SGMS1: variants seen among roughly 807,000 people sequenced by gnomAD.
The protein encoded by SGMS1 is sphingomyelin synthase 1.
A neutral mutation model predicts 46.2 loss-of-function variants in SGMS1; 13 were observed. The observed-to-expected ratio is 0.28, with a 90% CI of 0.18 to 0.45. The LOEUF is 0.45. Among genes scored for constraint, SGMS1 ranks in the 20% least tolerant of loss-of-function variants. SGMS1 has a pLI of 1.00. For missense variants in SGMS1, 324 were observed against 519.9 expected, an observed-to-expected ratio of 0.62 and a Z score of 3.66; for synonymous variants, 203 against 187.8, an observed-to-expected ratio of 1.08 and a Z score of -0.66.
At chr10:50,439,334 T>G (rs1849513393) in intron 5 of SGMS1, among the ~76,000 whole-genome samples, 1 of 152,146 alleles carries the variant, frequency 6.6e-6, no homozygotes, top group Admixed American at 6.5e-5. Context: ...CAGGCCATCT[T>G]TCCAAGCAGA....
At chr10:50,560,220 TACATAATATATA>T (rs1217386674) in intron 2 of SGMS1, among the ~76,000 whole-genome samples, 1 of 144,444 alleles carries the variant, frequency 6.9e-6, no homozygotes, top group Non-Finnish European at 1.5e-5. Context: ...GCATATATAT[TACATAATATATA>T]ACATAATATT....
intron 6 of SGMS1, among the ~76,000 whole-genome samples, chr10:50,350,434 A>G (rs1024883616): frequency 1.1e-4 from 17 of 152,242 alleles, no homozygotes; most frequent in Non-Finnish European, 2.2e-4. Flanking sequence ...AGAAATTTTC[A>G]TAAGTAGTAA....
intron 5 of SGMS1, among the ~76,000 whole-genome samples, chr10:50,451,443 T>A (rs1401488894): frequency 6.6e-6 from 1 of 152,228 alleles, no homozygotes; most frequent in Non-Finnish European, 1.5e-5. Context: ...TCTACCAATT[T>A]AAATCAACAT....
chr10:50,562,070 C>T (rs1216659653), intron 2 of SGMS1, among the ~76,000 whole-genome samples: 1 of 152,120 alleles, frequency 6.6e-6, no homozygotes, highest in Non-Finnish European at 1.5e-5. Flanking sequence ...ATGTGTATTT[C>T]TTTTTCTCAA....
At chr10:50,411,390 G>GA (rs1214279456) in intron 6 of SGMS1, among the ~76,000 whole-genome samples, 4 of 152,052 alleles carry the variant, frequency 2.6e-5, no homozygotes, top group Non-Finnish European at 5.9e-5. Flanking sequence ...CAAAAGGGGG[G>GA]AAAAAAACAA....
chr10:50,594,168 T>C (rs1451428555), intron 1 of SGMS1, among the ~76,000 whole-genome samples: 1 of 152,244 alleles, frequency 6.6e-6, no homozygotes, highest in African/African-American at 2.4e-5. Flanking sequence ...GCAGCATCAC[T>C]ACTACAAATA....
At chr10:50,391,840 TA>T (rs146392084) in intron 6 of SGMS1, among the ~76,000 whole-genome samples, 4,406 of 123,406 alleles carry the variant, frequency 0.036, 192 homozygotes, top group African/African-American at 0.11. Context: ...ATGCAATCAT[TA>T]AAAAAAAAAA....
chr10:50,545,139 C>T (rs1160265787), intron 2 of SGMS1, among the ~76,000 whole-genome samples: 4 of 152,136 alleles, frequency 2.6e-5, no homozygotes, highest in African/African-American at 9.7e-5. Flanking sequence ...CAGTAACCTA[C>T]TTCAAAGGGG....
intron 2 of SGMS1, among the ~76,000 whole-genome samples, chr10:50,542,594 G>C (rs60828968): frequency 0.016 from 2,363 of 150,874 alleles, 67 homozygotes; most frequent in African/African-American, 0.055. Context: ...CTACCATAAA[G>C]AAAAGTGTAT....
At chr10:50,335,138 G>A (rs1847695568) in intron 7 of SGMS1, 1 of 152,278 alleles carries the variant, frequency 6.6e-6, no homozygotes, top group African/African-American at 2.4e-5. Context: ...AATAACCTAG[G>A]TAAAAGATGA....
intron 3 of SGMS1, among the ~76,000 whole-genome samples, chr10:50,488,033 A>ATT (rs1837537125): frequency 6.9e-6 from 1 of 144,708 alleles, no homozygotes; most frequent in African/African-American, 2.5e-5. Context: ...TTATTTATTG[A>ATT]GACTGAGTCT....
chr10:50,449,923 G>A (rs1203383), intron 5 of SGMS1, among the ~76,000 whole-genome samples: 130,046 of 151,874 alleles, frequency 0.86, 55,918 homozygotes, highest in East Asian at 1. Flanking sequence ...CTAGAAAATG[G>A]AAGTGTCACT....
At position 50,381,250 on chromosome 10, in the gene SGMS1, C is replaced by T. The variant is rs140666870; in HGVS notation, c.-231-36905G>A. 7.2e-3 allele frequency among the ~76,000 whole-genome samples: 1,078 copies of T among 148,892 alleles called. 4 individuals carry two copies. Among genetic ancestry groups the T allele is most frequent in the Non-Finnish European group, 9.8e-3 (660 of 67,468 alleles). ...GTCCCATGGTATATGAAAAAGTGAT[C>T]GTGAACAGTGTTCTAAAAGAAAAAA... On this transcript the variant is annotated intron_variant, in intron 6 of 10. Coordinates refer to ENST00000361781, the MANE Select transcript of SGMS1 (RefSeq NM_147156.4).
At chr10:50,412,253 A>C (rs1370987807) in intron 6 of SGMS1, among the ~76,000 whole-genome samples, 1 of 152,168 alleles carries the variant, frequency 6.6e-6, no homozygotes, top group Non-Finnish European at 1.5e-5. Context: ...GAAAATCAAG[A>C]CCACTTTTCA....
intron 2 of SGMS1, among the ~76,000 whole-genome samples, chr10:50,527,086 A>AAAAAAAAAG (rs1837910174): frequency 6.9e-6 from 1 of 144,628 alleles, no homozygotes; most frequent in African/African-American, 2.7e-5. Context: ...AAAAAAAAAA[A>AAAAAAAAAG]AAAGAAAGAA....
intron 6 of SGMS1, among the ~76,000 whole-genome samples, chr10:50,430,260 G>A (rs1014316550): frequency 1.3e-5 from 2 of 151,986 alleles, no homozygotes; most frequent in Admixed American, 6.6e-5. Flanking sequence ...AAAATGTCCA[G>A]TAATATGCAA....
chr10:50,374,751 T>C (rs1383323300), intron 6 of SGMS1, among the ~76,000 whole-genome samples: 1 of 152,120 alleles, frequency 6.6e-6, no homozygotes, highest in Non-Finnish European at 1.5e-5. Flanking sequence ...TCAACCACTC[T>C]GGCCACTGTT....
chr10:50,347,337 T>G (rs1847931281), intron 6 of SGMS1, among the ~76,000 whole-genome samples: 1 of 152,126 alleles, frequency 6.6e-6, no homozygotes, highest in Admixed American at 6.6e-5. Flanking sequence ...ACAATGAAAA[T>G]GGCTGTAAAA....
chr10:50,461,071 T>C (rs1215629253), intron 4 of SGMS1, among the ~76,000 whole-genome samples: 2 of 152,152 alleles, frequency 1.3e-5, no homozygotes, highest in African/African-American at 4.8e-5. Context: ...CTCCATCTTT[T>C]CTAATTAAAA....
Sources: allele counts gnomAD v4.1 joint callset (sites outside exome capture counted in the v4.1 genomes callset), GRCh38; gene constraint gnomAD v4.1.1; transcripts MANE v1.5; gene names NCBI Gene and HGNC (gene_info 2026-07-23, HGNC 2026-07-21).